Variants in CTNND2 observed in about 807,000 individuals in gnomAD.
CTNND2 encodes the protein catenin delta 2.
Under a neutral mutation model 144.4 loss-of-function variants are expected in CTNND2, and 22 were observed. The observed-to-expected ratio is 0.15, with a 90% confidence interval of 0.11 to 0.22. CTNND2 has a LOEUF of 0.22. CTNND2 is among the 10% of genes least tolerant of loss of function. The probability of loss-of-function intolerance (pLI) is 1.00; values close to 1 mark genes in which losing one functional copy is unlikely to be tolerated. For missense variants in CTNND2, 1,353 were observed against 1,618.8 expected, an observed-to-expected ratio of 0.84 and a Z score of 2.82; for synonymous variants, 751 against 695.6, an observed-to-expected ratio of 1.08 and a Z score of -1.25.
intron 8 of CTNND2, among the ~76,000 whole-genome samples, chr5:11,351,072 T>G (rs1005686145): frequency 6.6e-6 from 1 of 152,352 alleles, no homozygotes; most frequent in African/African-American, 2.4e-5. Context: ...TATGCAATCC[T>G]TGGCTCTCCA....
intron 14 of CTNND2, among the ~76,000 whole-genome samples, chr5:11,099,190 T>C (rs1751642406): frequency 6.6e-6 from 1 of 152,232 alleles, no homozygotes; most frequent in African/African-American, 2.4e-5. Context: ...TATGCATCAT[T>C]ATTAATGTGA....
At chr5:11,399,712 A>G (rs1011255908) in intron 5 of CTNND2, among the ~76,000 whole-genome samples, 4 of 152,218 alleles carry the variant, frequency 2.6e-5, no homozygotes, top group Non-Finnish European at 5.9e-5. Flanking sequence ...AGGATTTTCT[A>G]TCTCATTACT....
At chr5:11,649,859 A>T (rs1581666664) in intron 2 of CTNND2, among the ~76,000 whole-genome samples, 1 of 152,314 alleles carries the variant, frequency 6.6e-6, no homozygotes, top group East Asian at 1.9e-4. Context: ...TCTCACGATG[A>T]CCATATGACT....
intron 9 of CTNND2, among the ~76,000 whole-genome samples, chr5:11,277,258 G>C (rs771015803): frequency 2.0e-5 from 3 of 151,740 alleles, no homozygotes; most frequent in Non-Finnish European, 4.4e-5. Context: ...GAAAATGTAA[G>C]CTTTTGAAAC....
At chr5:11,381,749 C>T (rs1428322422) in intron 7 of CTNND2, among the ~76,000 whole-genome samples, 1 of 152,118 alleles carries the variant, frequency 6.6e-6, no homozygotes, top group Non-Finnish European at 1.5e-5. Flanking sequence ...GGGCAGATCA[C>T]GAGGTCAGGA....
At chr5:11,656,846 AGTGTCT>A (rs1782941131) in intron 2 of CTNND2, among the ~76,000 whole-genome samples, 1 of 152,246 alleles carries the variant, frequency 6.6e-6, no homozygotes, top group South Asian at 2.1e-4. Context: ...GAAGACAGGC[AGTGTCT>A]TCTTACAATC....
intron 3 of CTNND2, among the ~76,000 whole-genome samples, chr5:11,535,162 TG>T (rs1774099859): frequency 1.3e-5 from 2 of 148,676 alleles, no homozygotes; most frequent in Non-Finnish European, 3.0e-5. Context: ...CACTCCAGCC[TG>T]GGCAACTGAG....
At chr5:11,539,619 A>G (rs1774544406) in intron 3 of CTNND2, among the ~76,000 whole-genome samples, 1 of 152,228 alleles carries the variant, frequency 6.6e-6, no homozygotes, top group Admixed American at 6.5e-5. Context: ...GCAGCAAGCC[A>G]TGGGTCCTGC....
chr5:11,462,209 A>G (rs1470520433), intron 3 of CTNND2, among the ~76,000 whole-genome samples: 1 of 152,044 alleles, frequency 6.6e-6, no homozygotes, highest in Non-Finnish European at 1.5e-5. Flanking sequence ...CCTGGCCAAG[A>G]GCAAAGACTG....
At chr5:11,008,918 C>T (rs1439336641) in intron 18 of CTNND2, among the ~76,000 whole-genome samples, 3 of 152,136 alleles carry the variant, frequency 2.0e-5, no homozygotes, top group Admixed American at 6.6e-5. Flanking sequence ...GTGGCATTAG[C>T]GGGGCAATAC....
chr5:11,411,464 A>T, intron 5 of CTNND2, 72 bp downstream of exon 5: 1 of 785,538 alleles, frequency 1.3e-6, no homozygotes, highest in Non-Finnish European at 2.2e-6. Context: ...CATAACAGTA[A>T]TGATATTAGA....
intron 9 of CTNND2, among the ~76,000 whole-genome samples, chr5:11,274,056 T>G (rs1173518480): frequency 6.6e-6 from 1 of 152,180 alleles, no homozygotes. Context: ...CCTTGTCTCC[T>G]GCTCTCATAA....
intron 3 of CTNND2, among the ~76,000 whole-genome samples, chr5:11,412,560 T>C (rs1005738245): frequency 2.0e-5 from 3 of 152,148 alleles, no homozygotes; most frequent in Non-Finnish European, 4.4e-5. Context: ...TTAAAAATTA[T>C]AACACTTTAC....
chr5:11,802,249 G>T (rs1791728960), intron 1 of CTNND2, among the ~76,000 whole-genome samples: 1 of 150,866 alleles, frequency 6.6e-6, no homozygotes, highest in Non-Finnish European at 1.5e-5. Flanking sequence ...TCCAGCCTAG[G>T]CGATAGAGCA....
At chr5:11,225,690 T>C (rs1740258318) in intron 10 of CTNND2, among the ~76,000 whole-genome samples, 1 of 152,214 alleles carries the variant, frequency 6.6e-6, no homozygotes, top group African/African-American at 2.4e-5. Context: ...GGATATTACC[T>C]GTCTGATCTC....
At chr5:11,579,286 C>T (rs770012913) in intron 2 of CTNND2, among the ~76,000 whole-genome samples, 1 of 152,074 alleles carries the variant, frequency 6.6e-6, no homozygotes, top group Admixed American at 6.5e-5. Context: ...AAATGTACCA[C>T]CGTTGAAATC....
chr5:11,370,861 A>G (rs921220731), intron 7 of CTNND2, among the ~76,000 whole-genome samples: 3 of 152,226 alleles, frequency 2.0e-5, no homozygotes, highest in African/African-American at 7.2e-5. Flanking sequence ...TGTGTTTGTG[A>G]ACAGTTCTTT....
At chr5:11,406,273 G>C (rs901678193) in intron 5 of CTNND2, among the ~76,000 whole-genome samples, 3 of 152,218 alleles carry the variant, frequency 2.0e-5, no homozygotes, top group African/African-American at 7.2e-5. Context: ...TCTAAGGCCA[G>C]GTGACAGTCC....
At chr5:11,394,906 A>G (rs1287334992) in intron 6 of CTNND2, among the ~76,000 whole-genome samples, 3 of 152,072 alleles carry the variant, frequency 2.0e-5, no homozygotes, top group African/African-American at 4.8e-5. Flanking sequence ...AGTTTTTTAG[A>G]AAAAAAATAG....
Sources: allele counts gnomAD v4.1 joint callset (sites outside exome capture counted in the v4.1 genomes callset), GRCh38; gene constraint gnomAD v4.1.1; transcripts MANE v1.5; gene names NCBI Gene and HGNC (gene_info 2026-07-23, HGNC 2026-07-21).